IMMP2L: variants seen among roughly 807,000 people sequenced by gnomAD.
IMMP2L encodes the protein mitochondrial inner membrane protease subunit 2.
In IMMP2L, 18 loss-of-function variants were observed where a neutral mutation model predicts 19.3. The observed-to-expected ratio is 0.93, with a 90% CI of 0.64 to 1.38. The LOEUF is 1.38. Ranked by LOEUF, IMMP2L falls within the 40% of genes most tolerant of loss-of-function variation. IMMP2L has a pLI of 0.00. For synonymous variants in IMMP2L, 76 were observed against 73.0 expected (o/e 1.04, Z -0.21); for missense variants, 233 against 218.2 (o/e 1.07, Z -0.43).
chr7:111,522,967 CT>C lies in IMMP2L; in HGVS notation c.-2-1519del, dbSNP rs1435132232. Among the ~76,000 whole-genome samples, 8 of 131,078 alleles carry C rather than the reference CT, an allele frequency of 6.1e-5. 1 individual carries two copies. The highest frequency in any genetic ancestry group is 2.6e-4 in the African/African-American group (8 of 30,710). 86.0% of individuals were successfully genotyped at this position (131,078 alleles called of 152,430 possible). A position where few individuals can be genotyped will look rare whatever the true frequency, so the allele number is the denominator to read the frequency against. ...TTCACCATAAAAAAAGAATGAAATCCTGCCATCTGGTACAACATGGAAAAAC... is the reference window on the plus strand; with the variant it reads ...TTCACCATAAAAAAAGAATGAAATCCGCCATCTGGTACAACATGGAAAAAC... On this transcript the variant is annotated intron_variant, in intron 1 of 5. Transcript: ENST00000405709.
chr7:110,837,679 G>T (rs1443015681), intron 5 of IMMP2L, among the ~76,000 whole-genome samples: 5 of 152,090 alleles, frequency 3.3e-5, no homozygotes, highest in Non-Finnish European at 7.4e-5. Flanking sequence ...CAACTATACA[G>T]GGGCCTCAAG....
At chr7:111,001,397 G>C (rs941077403) in intron 3 of IMMP2L, among the ~76,000 whole-genome samples, 1 of 152,016 alleles carries the variant, frequency 6.6e-6, no homozygotes, top group Admixed American at 6.6e-5. Flanking sequence ...ATGTATGAAA[G>C]TGTGACAAAA....
chr7:110,799,074 GA>G (rs1801066084), intron 5 of IMMP2L, among the ~76,000 whole-genome samples: 2 of 151,834 alleles, frequency 1.3e-5, no homozygotes, highest in East Asian at 1.9e-4. Context: ...AATAAATTTT[GA>G]AAAAAATGTA....
intron 3 of IMMP2L, among the ~76,000 whole-genome samples, chr7:111,364,023 C>T (rs1829520594): frequency 6.6e-6 from 1 of 152,022 alleles, no homozygotes; most frequent in South Asian, 2.1e-4. Context: ...CACACATCTA[C>T]CCCTTTATAC....
intron 3 of IMMP2L, among the ~76,000 whole-genome samples, chr7:111,025,512 G>A (rs1037414934): frequency 6.6e-6 from 1 of 152,052 alleles, no homozygotes; most frequent in Non-Finnish European, 1.5e-5. Context: ...AATAAAACAG[G>A]TTGCGCCTAA....
At chr7:111,521,276 G>C in intron 2 of IMMP2L, 37 bp downstream of exon 2, 1 of 1,589,246 alleles carries the variant, frequency 6.3e-7, no homozygotes, top group Non-Finnish European at 8.6e-7. Flanking sequence ...AAACAATGAA[G>C]TATGTGCTTT....
chr7:111,471,404 G>T (rs1717358433), intron 3 of IMMP2L, among the ~76,000 whole-genome samples: 1 of 151,976 alleles, frequency 6.6e-6, no homozygotes, highest in Admixed American at 6.6e-5. Flanking sequence ...TGATTCATGG[G>T]TATAGATATA....
intron 2 of IMMP2L, among the ~76,000 whole-genome samples, chr7:111,491,891 CG>C (rs1464207065): frequency 1.6e-4 from 24 of 151,640 alleles, no homozygotes; most frequent in Non-Finnish European, 3.1e-4. Flanking sequence ...TCACTGCATT[CG>C]TTTTTTTTTT....
At chr7:111,555,362 G>C (rs1791154894) in intron 1 of IMMP2L, among the ~76,000 whole-genome samples, 1 of 151,976 alleles carries the variant, frequency 6.6e-6, no homozygotes, top group Non-Finnish European at 1.5e-5. Flanking sequence ...AGAGTAGAAA[G>C]GACATTTAAA....
At chr7:111,084,859 A>T (rs2129576897) in intron 3 of IMMP2L, among the ~76,000 whole-genome samples, 2 of 152,314 alleles carry the variant, frequency 1.3e-5, no homozygotes, top group South Asian at 2.1e-4. Context: ...TGAGAAACTT[A>T]ATGTGAGGAG....
At chr7:110,816,649 C>T (rs1258214833) in intron 5 of IMMP2L, among the ~76,000 whole-genome samples, 2 of 150,590 alleles carry the variant, frequency 1.3e-5, no homozygotes, top group Non-Finnish European at 1.5e-5. Context: ...TCTGGGTGCT[C>T]CTGTATTGGG....
At chr7:111,357,061 C>T (rs1473606300) in intron 3 of IMMP2L, among the ~76,000 whole-genome samples, 4 of 152,100 alleles carry the variant, frequency 2.6e-5, no homozygotes, top group South Asian at 2.1e-4. Flanking sequence ...AGATTACTAT[C>T]AACTGGTACA....
intron 3 of IMMP2L, among the ~76,000 whole-genome samples, chr7:111,083,708 T>C (rs934460161): frequency 2.0e-5 from 3 of 152,192 alleles, no homozygotes; most frequent in African/African-American, 7.2e-5. Flanking sequence ...ACTGTAAGAA[T>C]GAAACCATAT....
intron 5 of IMMP2L, among the ~76,000 whole-genome samples, chr7:110,763,590 A>G (rs886136183): frequency 6.6e-6 from 1 of 152,114 alleles, no homozygotes; most frequent in African/African-American, 2.4e-5. Flanking sequence ...TCTTTTATAC[A>G]CTTTTCTAAT....
chr7:111,181,851 G>A (rs2129611169), intron 3 of IMMP2L, among the ~76,000 whole-genome samples: 1 of 151,940 alleles, frequency 6.6e-6, no homozygotes, highest in African/African-American at 2.4e-5. Context: ...ACTTCTTACG[G>A]CTAAAATAAA....
intron 3 of IMMP2L, among the ~76,000 whole-genome samples, chr7:111,363,949 C>G (rs546208801): frequency 6.6e-6 from 1 of 152,064 alleles, no homozygotes; most frequent in African/African-American, 2.4e-5. Flanking sequence ...TCACCTGTGC[C>G]TAAAGGTTCG....
intron 1 of IMMP2L, among the ~76,000 whole-genome samples, chr7:111,561,521 A>G (rs886322992): frequency 2.0e-5 from 3 of 152,164 alleles, no homozygotes; most frequent in Admixed American, 2.0e-4. Flanking sequence ...AAAGCTGGCT[A>G]ATAAGATAGG....
intron 2 of IMMP2L, 121 bp from the exon 3 acceptor site, chr7:111,487,462 A>T (rs1230061624): frequency 1.8e-6 from 1 of 566,146 alleles, no homozygotes; most frequent in Non-Finnish European, 3.1e-6. Flanking sequence ...CTTTCTATAA[A>T]TTGCTGTTCT....
intron 3 of IMMP2L, among the ~76,000 whole-genome samples, chr7:111,270,442 T>C (rs1474381856): frequency 6.6e-6 from 1 of 152,124 alleles, no homozygotes; most frequent in African/African-American, 2.4e-5. Flanking sequence ...CTATTTGTCA[T>C]GAGTATTGTA....
Sources: allele counts gnomAD v4.1 joint callset (sites outside exome capture counted in the v4.1 genomes callset), GRCh38; gene constraint gnomAD v4.1.1; transcripts MANE v1.5; gene names NCBI Gene and HGNC (gene_info 2026-07-23, HGNC 2026-07-21).